PSMD1: variants seen among roughly 807,000 people sequenced by gnomAD.
The protein encoded by PSMD1 is 26S proteasome non-ATPase regulatory subunit 1.
PSMD1 carries 18 observed loss-of-function variants against 119.0 expected under a neutral mutation model. That is an observed-to-expected ratio of 0.15 (90% CI 0.10 to 0.22). The LOEUF (loss-of-function observed/expected upper bound fraction) is 0.22. PSMD1 is among the 10% of genes least tolerant of loss of function. PSMD1 has a pLI of 1.00. For synonymous variants in PSMD1, 374 were observed against 396.6 expected (o/e 0.94, Z 0.68); for missense variants, 702 against 1,158.5 (o/e 0.61, Z 5.72).
chr2:231,067,110 C>T lies in PSMD1; in HGVS notation c.509C>T (p.Ser170Leu), dbSNP rs1272959405. The stretch of plus-strand genomic sequence containing the variant: ...GTCTTTGAAAAGACCATACTGGAGT[C>T]GGTAGGTAGATGATGTTATTTTAGA... Reference protein sequence around the residue: ...LDVFEKTILESNDVPGMLAYS... With the variant: ...LDVFEKTILELNDVPGMLAYS... Residue 170 changes from serine (S) to leucine (L), a missense_variant and splice_region_variant, in exon 5 of 25, where the codon TCG becomes TTG. Ser to Leu is a moderately radical substitution (Grantham distance 145). Coordinates refer to ENST00000308696, the MANE Select transcript of PSMD1 (RefSeq NM_002807.4). 8.9e-6 allele frequency: 14 copies of T among 1,576,070 alleles called. No individual in the cohort carries two copies. Among genetic ancestry groups the T allele is most frequent in the South Asian group, 8.3e-5 (7 of 84,604 alleles).
At chr2:231,105,016 C>T (rs1694945777) in intron 16 of PSMD1, among the ~76,000 whole-genome samples, 1 of 152,012 alleles carries the variant, frequency 6.6e-6, no homozygotes. Flanking sequence ...TTCAAGTATA[C>T]TTATTGGATA....
At chr2:231,118,375 C>G (rs942765430) in intron 16 of PSMD1, among the ~76,000 whole-genome samples, 5 of 152,262 alleles carry the variant, frequency 3.3e-5, no homozygotes, top group African/African-American at 4.8e-5. Flanking sequence ...GTGCATGCAT[C>G]TGATTCAGCT....
chr2:231,084,923 G>A, intron 14 of PSMD1, 96 bp from the exon 15 acceptor site: 1 of 941,398 alleles, frequency 1.1e-6, no homozygotes. Context: ...TCCTATCTGA[G>A]ACCAGCTTAC....
chr2:231,136,057 T>G (rs138052023), intron 16 of PSMD1, among the ~76,000 whole-genome samples: 39 of 152,346 alleles, frequency 2.6e-4, no homozygotes, highest in Non-Finnish European at 5.3e-4. Context: ...TGAGTTGGTT[T>G]GTGGTAATTG....
At chr2:231,099,367 C>T (rs1694808561) in intron 16 of PSMD1, among the ~76,000 whole-genome samples, 2 of 152,182 alleles carry the variant, frequency 1.3e-5, no homozygotes, top group African/African-American at 4.8e-5. Context: ...GAAGCTGACA[C>T]GTTACATCCT....
rs1027152338 is a variant in PSMD1 at position 231,071,954 on chromosome 2, A to G, written c.655-235A>G. On this transcript the variant is annotated intron_variant, in intron 6 of 24. Transcript: ENST00000308696. ...TTGAATACTGCTGATTACCAGGCAC[A>G]GCATTAAGAGTTATAAATATAATTT... Among the ~76,000 whole-genome samples, 5 of 152,216 alleles carry G rather than the reference A, an allele frequency of 3.3e-5. No homozygotes were observed. The South Asian group carries it at 1.0e-3, about 32-fold the overall frequency.
At chr2:231,146,459 T>C (rs1696255551) in intron 18 of PSMD1, 103 bp downstream of exon 18, 1 of 804,554 alleles carries the variant, frequency 1.2e-6, no homozygotes, top group African/African-American at 1.7e-5. Context: ...TGGTAAACAC[T>C]GAAAGTAAAG....
At chr2:231,065,712 CAAAT>C (rs1276959597) in intron 4 of PSMD1, among the ~76,000 whole-genome samples, 1 of 152,140 alleles carries the variant, frequency 6.6e-6, no homozygotes, top group Non-Finnish European at 1.5e-5. Context: ...AAATTGCAAA[CAAAT>C]GTTTCTTATC....
chr2:231,148,762 G>A (rs1696303960), intron 18 of PSMD1, among the ~76,000 whole-genome samples: 1 of 152,178 alleles, frequency 6.6e-6, no homozygotes, highest in Admixed American at 6.5e-5. Context: ...TTAAGCAAGT[G>A]ATAAAGAATT....
chr2:231,141,122 A>T (rs1696097684), intron 17 of PSMD1, among the ~76,000 whole-genome samples: 1 of 152,206 alleles, frequency 6.6e-6, no homozygotes, highest in Non-Finnish European at 1.5e-5. Flanking sequence ...AGCCTGCCTA[A>T]CATGGCAAGA....
rs114221965 is a variant in PSMD1, at chr2:231,111,670, A to G, written c.1883+24489A>G. ...TTATTAATTTGTGATCGGTTCTACA[A>G]GACAAAGTGCAATGAAGTGAAAGAG... On this transcript the variant is annotated intron_variant, in intron 16 of 24. Coordinates refer to ENST00000308696, the MANE Select transcript of PSMD1 (RefSeq NM_002807.4). Among the ~76,000 whole-genome samples the G allele has an allele frequency of 5.1e-3, 779 of 152,318 alleles. 6 individuals carry two copies. The highest frequency in any genetic ancestry group is 0.017 in the African/African-American group (716 of 41,572).
chr2:231,078,544 C>G, intron 9 of PSMD1, 115 bp from the exon 10 acceptor site: 1 of 544,496 alleles, frequency 1.8e-6, no homozygotes, highest in Non-Finnish European at 3.0e-6. Flanking sequence ...TTTTAAATCT[C>G]AGTTCAGTTT....
chr2:231,137,871 A>G (rs1238003612), intron 16 of PSMD1, among the ~76,000 whole-genome samples: 1 of 152,190 alleles, frequency 6.6e-6, no homozygotes, highest in Non-Finnish European at 1.5e-5. Context: ...ACATGATTTC[A>G]TTCTTCATGG....
intron 1 of PSMD1, among the ~76,000 whole-genome samples, chr2:231,060,588 A>G (rs1693732702): frequency 1.3e-5 from 2 of 152,184 alleles, no homozygotes; most frequent in Non-Finnish European, 1.5e-5. Context: ...CTCCTATGTT[A>G]GTGGTAATAC....
chr2:231,150,764 A>G (rs1559250909), intron 18 of PSMD1, among the ~76,000 whole-genome samples: 1 of 152,218 alleles, frequency 6.6e-6, no homozygotes, highest in Non-Finnish European at 1.5e-5. Context: ...GGAATTACAG[A>G]CATATATTTG....
chr2:231,089,280 G>T lies in PSMD1; in HGVS notation c.1883+2099G>T, dbSNP rs973331337. ...TCTAGCTAAGATCATTGATGAAGGT[G>T]GCTATCCTAAACAACAGATTTTCCA... On this transcript the variant is annotated intron_variant, in intron 16 of 24. Transcript: ENST00000308696. Among the ~76,000 whole-genome samples the T allele has an allele frequency of 4.6e-5, 7 of 152,136 alleles. No homozygotes were observed. The South Asian group carries it at 6.2e-4, about 14-fold the overall frequency.
At chr2:231,063,233 A>G (rs532857252) in intron 4 of PSMD1, among the ~76,000 whole-genome samples, 2 of 152,360 alleles carry the variant, frequency 1.3e-5, no homozygotes, top group African/African-American at 4.8e-5. Context: ...GGAAGGGGAT[A>G]ACACACAGGC....
intron 16 of PSMD1, among the ~76,000 whole-genome samples, chr2:231,106,785 A>G (rs1390303685): frequency 1.3e-5 from 2 of 152,206 alleles, no homozygotes; most frequent in Non-Finnish European, 2.9e-5. Flanking sequence ...CTAGATTGTT[A>G]TCTATGGGTA....
At chr2:231,124,246 A>T (rs1432151437) in intron 16 of PSMD1, 1 of 162,020 alleles carries the variant, frequency 6.2e-6, no homozygotes, top group Non-Finnish European at 1.4e-5. Flanking sequence ...GTGACAATGC[A>T]GCCAATTCTC....
Sources: gnomAD v4.1 joint callset for allele counts (sites outside exome capture counted in the v4.1 genomes callset) on GRCh38, gnomAD v4.1.1 for gene constraint, MANE v1.5 for transcripts, NCBI Gene and HGNC (gene_info 2026-07-23, HGNC 2026-07-21) for gene names.